Variants in DCDC1 observed in about 807,000 individuals in gnomAD.
The protein encoded by DCDC1 is doublecortin domain containing 1, also known as doublecortin domain-containing protein 1.
In DCDC1, 200 loss-of-function variants were observed where a neutral mutation model predicts 178.3. That is an observed-to-expected ratio of 1.12 (90% confidence interval 1.00 to 1.26). DCDC1 has a LOEUF of 1.26. Ranked by LOEUF, DCDC1 falls within the 50% of genes most tolerant of loss-of-function variation. DCDC1 has a pLI of 0.00. For missense variants in DCDC1, 1,983 were observed against 1,749.2 expected (o/e 1.13, Z -2.38); for synonymous variants, 690 against 604.8 (o/e 1.14, Z -2.07).
chr11:31,115,131 T>C (rs1959685728), intron 11 of DCDC1, among the ~76,000 whole-genome samples: 2 of 152,190 alleles, frequency 1.3e-5, no homozygotes, highest in Non-Finnish European at 2.9e-5. Flanking sequence ...AAACATTTTA[T>C]TGACTGTGAA....
chr11:31,290,496 A>G (rs989025747), intron 7 of DCDC1, 151 bp downstream of exon 7: 3 of 749,172 alleles, frequency 4.0e-6, no homozygotes, highest in African/African-American at 3.5e-5. Context: ...AGACTTATAA[A>G]CAGGTTTATA....
intron 20 of DCDC1, among the ~76,000 whole-genome samples, chr11:30,959,534 G>A (rs183701664): frequency 6.6e-6 from 1 of 152,208 alleles, no homozygotes; most frequent in East Asian, 1.9e-4. Flanking sequence ...ATGCTCATGG[G>A]TATGGAGTGT....
chr11:31,037,252 C>T (rs1341169475), intron 20 of DCDC1, among the ~76,000 whole-genome samples: 4 of 152,014 alleles, frequency 2.6e-5, no homozygotes, highest in Non-Finnish European at 4.4e-5. Context: ...GGCATAAAAG[C>T]CAATTGGTTT....
intron 12 of DCDC1, among the ~76,000 whole-genome samples, chr11:31,108,203 C>A (rs1050239257): frequency 1.3e-5 from 2 of 152,154 alleles, no homozygotes; most frequent in Admixed American, 6.6e-5. Flanking sequence ...TTAGTGTTTT[C>A]ATTAGCTGAA....
intron 3 of DCDC1, among the ~76,000 whole-genome samples, chr11:31,321,199 G>A (rs1162309214): frequency 4.3e-5 from 2 of 46,822 alleles, no homozygotes; most frequent in Admixed American, 2.5e-4. Flanking sequence ...CGAGCTTCCC[G>A]GCTGCTTTGT....
intron 20 of DCDC1, among the ~76,000 whole-genome samples, chr11:31,044,747 A>G (rs1954716730): frequency 6.6e-6 from 1 of 152,188 alleles, no homozygotes; most frequent in Non-Finnish European, 1.5e-5. Flanking sequence ...TTCAGCCTTA[A>G]GAAGCCCTAA....
chr11:31,296,048 T>C (rs1482757773), intron 6 of DCDC1, among the ~76,000 whole-genome samples: 1 of 152,180 alleles, frequency 6.6e-6, no homozygotes, highest in East Asian at 1.9e-4. Context: ...AGAAAACTCT[T>C]GGAACTAGTT....
chr11:31,362,445 T>C (rs953540515), intron 1 of DCDC1, among the ~76,000 whole-genome samples: 1 of 152,196 alleles, frequency 6.6e-6, no homozygotes, highest in African/African-American at 2.4e-5. Flanking sequence ...AAGGTAGTAA[T>C]TTATGATAAT....
At chr11:30,957,945 GA>G (rs1948864439) in intron 20 of DCDC1, among the ~76,000 whole-genome samples, 1 of 152,264 alleles carries the variant, frequency 6.6e-6, no homozygotes, top group Non-Finnish European at 1.5e-5. Flanking sequence ...AATGGCAGAA[GA>G]ACTCAAGCCT....
chr11:31,162,901 C>T (rs1262447174), intron 9 of DCDC1, among the ~76,000 whole-genome samples: 1 of 152,154 alleles, frequency 6.6e-6, no homozygotes, highest in Non-Finnish European at 1.5e-5. Context: ...CAATAATTAG[C>T]ACAGCTGTGA....
intron 20 of DCDC1, among the ~76,000 whole-genome samples, chr11:31,027,977 A>G (rs1293767853): frequency 6.6e-6 from 1 of 151,826 alleles, no homozygotes; most frequent in Non-Finnish European, 1.5e-5. Flanking sequence ...AGAAAATTGT[A>G]CCTATTATTA....
chr11:31,307,862 C>T lies in DCDC1; in HGVS notation c.211G>A (p.Asp71Asn). The T allele has an allele frequency of 1.2e-6, 2 of 1,614,032 alleles. No individual in the cohort carries two copies. The highest frequency in any genetic ancestry group is 1.7e-6 in the Non-Finnish European group (2 of 1,179,966). The change falls in exon 4 of 39, where the codon GAT becomes AAT. Residue 71 changes from aspartate (D) to asparagine (N), a missense_variant. By Grantham distance (23) the Asp-to-Asn change is conservative. Transcript: ENST00000684477. ...GGGCCAAACTGAGACTGCAAATAAT[C>T]ATCAGTAGTTTTAATAACTGCTTTT... ...QAKAVIKTTD[D>N]YLQSQFGPNR...
At chr11:31,038,182 G>A (rs963740479) in intron 20 of DCDC1, among the ~76,000 whole-genome samples, 4 of 150,966 alleles carry the variant, frequency 2.6e-5, no homozygotes, top group Non-Finnish European at 5.9e-5. Context: ...AAACCTGCAC[G>A]TTGTACACAT....
chr11:31,096,841 A>G (rs975722030), intron 15 of DCDC1, among the ~76,000 whole-genome samples: 1 of 152,144 alleles, frequency 6.6e-6, no homozygotes, highest in African/African-American at 2.4e-5. Flanking sequence ...GAAGTTAAGG[A>G]CTATGAAAGT....
intron 21 of DCDC1, among the ~76,000 whole-genome samples, chr11:30,948,991 A>G (rs1036439385): frequency 1.6e-4 from 24 of 152,250 alleles, no homozygotes; most frequent in African/African-American, 9.6e-5. Context: ...CAACAAAGCC[A>G]AAATAGACAA....
chr11:31,211,459 C>T (rs980346974), intron 9 of DCDC1, among the ~76,000 whole-genome samples: 1 of 152,194 alleles, frequency 6.6e-6, no homozygotes, highest in Non-Finnish European at 1.5e-5. Context: ...CCCCATCCCA[C>T]CTGCACTGTT....
intron 8 of DCDC1, among the ~76,000 whole-genome samples, chr11:31,260,335 C>G (rs1039834484): frequency 6.6e-6 from 1 of 152,094 alleles, no homozygotes; most frequent in African/African-American, 2.4e-5. Flanking sequence ...ATTTTAATGT[C>G]TCCACAAAAG....
chr11:31,065,736 T>C (rs1455205005), intron 18 of DCDC1, among the ~76,000 whole-genome samples: 3 of 152,150 alleles, frequency 2.0e-5, no homozygotes, highest in Admixed American at 1.3e-4. Flanking sequence ...ATATACTAAA[T>C]ACAAATGAAG....
chr11:31,312,093 G>A (rs1205056434), intron 3 of DCDC1, among the ~76,000 whole-genome samples: 1 of 152,038 alleles, frequency 6.6e-6, no homozygotes, highest in African/African-American at 2.4e-5. Context: ...CAACTTGTGG[G>A]TAGAGCCCTA....
Sources: allele counts gnomAD v4.1 joint callset (sites outside exome capture counted in the v4.1 genomes callset), GRCh38; gene constraint gnomAD v4.1.1; transcripts MANE v1.5; gene names NCBI Gene and HGNC (gene_info 2026-07-23, HGNC 2026-07-21).